PCLO: variants seen among roughly 807,000 people sequenced by gnomAD.
PCLO encodes the protein piccolo presynaptic cytomatrix protein.
PCLO carries 82 observed loss-of-function variants against 427.5 expected under a neutral mutation model. The ratio of observed to expected loss-of-function variants is 0.19; its 90% CI spans 0.16 to 0.23. The LOEUF is 0.23. Among genes scored for constraint, PCLO ranks in the 10% least tolerant of loss-of-function variants. PCLO has a pLI of 1.00. For missense variants in PCLO, 6,239 were observed against 6,115.9 expected, an observed-to-expected ratio of 1.02 and a Z score of -0.67; for synonymous variants, 2,357 against 2,155.4, an observed-to-expected ratio of 1.09 and a Z score of -2.59.
rs942350039 is a variant in PCLO, at chr7:82,985,502, T to C, written c.3301-19015A>G. 2.0e-5 allele frequency among the ~76,000 whole-genome samples: 3 copies of C among 152,028 alleles called. No individual in the cohort carries two copies. In the South Asian group the frequency reaches 6.2e-4, roughly 31 times the overall value. ...GGGTTAGCACTGATATTTTTTATAT[T>C]ATCTTGTGGATGCTGATTAGCTCAA... is the stretch of plus-strand genomic sequence containing the variant. On this transcript the variant is annotated intron_variant, in intron 3 of 24. Transcript: ENST00000333891.
At chr7:82,927,935 T>C (rs1794751665) in intron 6 of PCLO, among the ~76,000 whole-genome samples, 1 of 152,140 alleles carries the variant, frequency 6.6e-6, no homozygotes, top group Non-Finnish European at 1.5e-5. Flanking sequence ...GTGATCTGAA[T>C]TTACTGTTCA....
At chr7:83,014,410 T>A (rs1326446921) in intron 3 of PCLO, among the ~76,000 whole-genome samples, 1 of 152,086 alleles carries the variant, frequency 6.6e-6, no homozygotes, top group Non-Finnish European at 1.5e-5. Flanking sequence ...AATTCCCCTC[T>A]CGAATGCTGA....
At chr7:83,014,856 C>A (rs866168218) in intron 3 of PCLO, among the ~76,000 whole-genome samples, 2 of 152,164 alleles carry the variant, frequency 1.3e-5, no homozygotes, top group Middle Eastern at 3.4e-3. Flanking sequence ...AAGGAAAATA[C>A]TAGAAAAGGG....
chr7:83,000,760 A>G (rs1247463468), intron 3 of PCLO, among the ~76,000 whole-genome samples: 1 of 152,084 alleles, frequency 6.6e-6, no homozygotes, highest in Non-Finnish European at 1.5e-5. Flanking sequence ...AGACAAAAGG[A>G]AACTAATAGG....
At chr7:83,045,570 C>T (rs1018679796) in intron 3 of PCLO, among the ~76,000 whole-genome samples, 12 of 152,082 alleles carry the variant, frequency 7.9e-5, no homozygotes, top group Admixed American at 3.3e-4. Flanking sequence ...GTATTTAGAA[C>T]TTATCTTCCC....
chr7:82,807,927 T>C (rs1000025082), intron 20 of PCLO, among the ~76,000 whole-genome samples: 26 of 151,984 alleles, frequency 1.7e-4, no homozygotes, highest in Admixed American at 4.6e-4. Flanking sequence ...ATTTTCTTTA[T>C]TTTATGTAGA....
intron 6 of PCLO, among the ~76,000 whole-genome samples, chr7:82,929,048 T>G (rs1240893823): frequency 6.6e-6 from 1 of 152,010 alleles, no homozygotes; most frequent in Admixed American, 6.6e-5. Flanking sequence ...GAAAGAGTAG[T>G]TTTTAGGGAA....
intron 20 of PCLO, chr7:82,820,503 T>C: frequency 8.2e-7 from 1 of 1,214,472 alleles, no homozygotes; most frequent in Non-Finnish European, 1.0e-6. Context: ...AGATACTTTA[T>C]TTATTACACA....
chr7:83,112,466 T>C (rs1416765523), intron 3 of PCLO, among the ~76,000 whole-genome samples: 2 of 152,150 alleles, frequency 1.3e-5, no homozygotes, highest in Admixed American at 1.3e-4. Flanking sequence ...ATCCAATTTT[T>C]TTAGATATAC....
chr7:82,871,018 A>C (rs942312340), intron 10 of PCLO, among the ~76,000 whole-genome samples: 1 of 152,034 alleles, frequency 6.6e-6, no homozygotes, highest in Non-Finnish European at 1.5e-5. Flanking sequence ...TGGCCATGTA[A>C]ATTAGTCCAA....
At chr7:82,910,433 T>C (rs900329568) in intron 7 of PCLO, among the ~76,000 whole-genome samples, 2 of 152,150 alleles carry the variant, frequency 1.3e-5, no homozygotes, top group Non-Finnish European at 2.9e-5. Context: ...CAACGATGTG[T>C]CATGGGTTAA....
intron 2 of PCLO, among the ~76,000 whole-genome samples, chr7:83,152,503 G>C (rs1368265509): frequency 6.6e-6 from 1 of 152,186 alleles, no homozygotes; most frequent in Non-Finnish European, 1.5e-5. Flanking sequence ...CCTGCTAAAT[G>C]TGTAAGGCTA....
chr7:83,098,035 A>G (rs1790639532), intron 3 of PCLO, among the ~76,000 whole-genome samples: 1 of 152,142 alleles, frequency 6.6e-6, no homozygotes, highest in African/African-American at 2.4e-5. Flanking sequence ...ATATTTCTAC[A>G]TTGTTATTAA....
chr7:82,930,541 T>C, intron 6 of PCLO, among the ~76,000 whole-genome samples: 1 of 152,164 alleles, frequency 6.6e-6, no homozygotes, highest in East Asian at 1.9e-4. Flanking sequence ...AGGTAAATGT[T>C]AGCATAACAC....
At chr7:82,774,836 C>T (rs1790715976) in intron 22 of PCLO, among the ~76,000 whole-genome samples, 2 of 152,164 alleles carry the variant, frequency 1.3e-5, no homozygotes, top group African/African-American at 4.8e-5. Context: ...TGACATATAT[C>T]CACCATTATA....
intron 3 of PCLO, among the ~76,000 whole-genome samples, chr7:83,028,322 CAGAG>C (rs1353741591): frequency 4.0e-5 from 6 of 149,448 alleles, no homozygotes; most frequent in Non-Finnish European, 7.5e-5. Flanking sequence ...AACAGACAAA[CAGAG>C]AGCCAAATCA....
rs371186571 is a variant in PCLO, at chr7:82,966,133, T to G, written c.3655A>C (p.Lys1219Gln). The G allele has an allele frequency of 1.0e-4, 161 of 1,605,596 alleles. 1 individual carries two copies. Among genetic ancestry groups the G allele is most frequent in the Non-Finnish European group, 1.3e-4 (154 of 1,177,876 alleles). The change falls in exon 4 of 25, where the codon AAA becomes CAA. Residue 1219 changes from lysine to glutamine, a missense_variant. Coordinates refer to ENST00000333891, the MANE Select transcript of PCLO (RefSeq NM_033026.6). Reference sequence around the variant, plus strand: ...ATCTTTTCTTCTTCAGGGATTAGTTTTTTTTCTTCAGGGAGTGGCTTTTTT... The same window carrying G: ...ATCTTTTCTTCTTCAGGGATTAGTTGTTTTTCTTCAGGGAGTGGCTTTTTT... The part of the protein sequence containing the change: ...QEKKPLPEEK[K>Q]LIPEEEKIRS...
Position 82,827,888 on chromosome 7 carries a change from A to G in PCLO, c.14328T>C (p.Ser4776=), listed in dbSNP as rs201007575. 5.2e-5 allele frequency: 81 copies of G among 1,571,780 alleles called. No homozygotes were observed. Among genetic ancestry groups the G allele is most frequent in the Admixed American group, 1.2e-4 (7 of 59,270 alleles). ...PEWNQTVIYK[S]ISMEQLKKKT... is the part of the protein sequence containing the mutation. ...CTTGACATACCTGTTCCATGGAAATACTTTTATAAATTACTGTTTGATTCC... is the reference window on the plus strand; with the variant it reads ...CTTGACATACCTGTTCCATGGAAATGCTTTTATAAATTACTGTTTGATTCC... The change falls in exon 17 of 25, where the codon AGT becomes AGC. Residue 4776 remains serine (S), a synonymous_variant. Coordinates refer to ENST00000333891, the MANE Select transcript of PCLO (RefSeq NM_033026.6).
chr7:82,943,020 G>T (rs1359985017), intron 6 of PCLO, among the ~76,000 whole-genome samples: 1 of 151,858 alleles, frequency 6.6e-6, no homozygotes, highest in African/African-American at 2.4e-5. Flanking sequence ...GGCCACCAGA[G>T]CCATTATTTC....
Sources: allele counts gnomAD v4.1 joint callset (sites outside exome capture counted in the v4.1 genomes callset), GRCh38; gene constraint gnomAD v4.1.1; transcripts MANE v1.5; gene names NCBI Gene and HGNC (gene_info 2026-07-23, HGNC 2026-07-21).